PRKACB: variants seen among roughly 807,000 people sequenced by gnomAD.
The protein encoded by PRKACB is protein kinase cAMP-activated catalytic subunit beta, also known as cAMP-dependent protein kinase catalytic subunit beta.
PRKACB carries 16 observed loss-of-function variants against 51.4 expected under a neutral mutation model. The observed-to-expected ratio is 0.31, with a 90% confidence interval of 0.21 to 0.47. The LOEUF is 0.47. PRKACB is among the 20% of genes least tolerant of loss of function. The pLI is 1.00. For synonymous variants in PRKACB, 147 were observed against 154.4 expected, an observed-to-expected ratio of 0.95 and a Z score of 0.35; for missense variants, 309 against 464.5, an observed-to-expected ratio of 0.67 and a Z score of 3.08.
intron 1 of PRKACB, among the ~76,000 whole-genome samples, chr1:84,083,872 C>A (rs1297892939): frequency 1.3e-5 from 2 of 152,146 alleles, no homozygotes; most frequent in Non-Finnish European, 2.9e-5. Flanking sequence ...TTGTTCATTG[C>A]TTCATTCATT....
At chr1:84,086,274 C>A in intron 1 of PRKACB, 1 of 1,357,682 alleles carries the variant, frequency 7.4e-7, no homozygotes. Context: ...CCCATGGGAC[C>A]CCAGTAGAAC....
chr1:84,101,730 T>G (rs1434157814), intron 1 of PRKACB, among the ~76,000 whole-genome samples: 2 of 152,198 alleles, frequency 1.3e-5, no homozygotes, highest in Non-Finnish European at 2.9e-5. Flanking sequence ...AGTTACTGTA[T>G]TTGAGCATAA....
At chr1:84,115,550 G>A (rs1210830595) in intron 1 of PRKACB, among the ~76,000 whole-genome samples, 2 of 151,334 alleles carry the variant, frequency 1.3e-5, no homozygotes, top group Non-Finnish European at 2.9e-5. Flanking sequence ...TTGTCTATTG[G>A]TGTTTTTGTT....
At chr1:84,183,841 C>A (rs1015115929) in intron 3 of PRKACB, among the ~76,000 whole-genome samples, 196 bp from the exon 4 acceptor site, 2 of 151,700 alleles carry the variant, frequency 1.3e-5, no homozygotes, top group African/African-American at 4.8e-5. Context: ...CATTTGAATC[C>A]TATTATTAAA....
chr1:84,146,147 T>TTG (rs753444399), intron 1 of PRKACB, among the ~76,000 whole-genome samples: 30,266 of 150,962 alleles, frequency 0.2, 3,764 homozygotes, highest in Non-Finnish European at 0.27. Context: ...GCTGTTTTGT[T>TTG]TTTTTTTTAT....
At chr1:84,190,550 A>G (rs1666464186) in intron 5 of PRKACB, among the ~76,000 whole-genome samples, 1 of 152,050 alleles carries the variant, frequency 6.6e-6, no homozygotes, top group East Asian at 1.9e-4. Flanking sequence ...CACGTTTATT[A>G]AATCAGTAAT....
chr1:84,216,006 G>GCA (rs1424068665), intron 9 of PRKACB, among the ~76,000 whole-genome samples: 1 of 151,860 alleles, frequency 6.6e-6, no homozygotes, highest in Non-Finnish European at 1.5e-5. Context: ...AGTATTAAAA[G>GCA]CACAGTTTTT....
chr1:84,231,836 A>G (rs528730979), intron 9 of PRKACB, among the ~76,000 whole-genome samples: 6 of 151,666 alleles, frequency 4.0e-5, no homozygotes, highest in African/African-American at 1.2e-4. Context: ...TCTTGCTAGC[A>G]GTCTATCAAT....
At chr1:84,200,822 A>G (rs1188342537) in intron 7 of PRKACB, among the ~76,000 whole-genome samples, 2 of 151,984 alleles carry the variant, frequency 1.3e-5, no homozygotes, top group Non-Finnish European at 2.9e-5. Flanking sequence ...CTGGGTTGTC[A>G]TAGTTGAAAT....
intron 1 of PRKACB, chr1:84,086,302 C>A: frequency 9.9e-7 from 1 of 1,007,448 alleles, no homozygotes; most frequent in Non-Finnish European, 1.5e-6. Flanking sequence ...TTCCTGCTGC[C>A]TCCCTCCTGT....
At chr1:84,213,640 A>G (rs920723235) in intron 8 of PRKACB, among the ~76,000 whole-genome samples, 4 of 152,208 alleles carry the variant, frequency 2.6e-5, no homozygotes, top group African/African-American at 9.6e-5. Flanking sequence ...GATAAATGAA[A>G]AATGTTTTCC....
At chr1:84,138,213 C>G (rs1230104751) in intron 1 of PRKACB, among the ~76,000 whole-genome samples, 2 of 152,130 alleles carry the variant, frequency 1.3e-5, no homozygotes, top group African/African-American at 4.8e-5. Context: ...TGCTCAAACA[C>G]ATACACAGGT....
At chr1:84,081,916 C>CTT (rs766928344) in intron 1 of PRKACB, among the ~76,000 whole-genome samples, 7 of 152,166 alleles carry the variant, frequency 4.6e-5, no homozygotes, top group Non-Finnish European at 8.8e-5. Flanking sequence ...TCCAGAGTAT[C>CTT]TCTCTGTCCT....
intron 1 of PRKACB, among the ~76,000 whole-genome samples, chr1:84,117,075 T>C (rs1182281392): frequency 2.6e-5 from 4 of 152,040 alleles, no homozygotes; most frequent in African/African-American, 4.8e-5. Context: ...ATTGAGATAA[T>C]AATGATTTTT....
chr1:84,183,916 C>T (rs1268339426), intron 3 of PRKACB, 121 bp from the exon 4 acceptor site: 7 of 1,063,066 alleles, frequency 6.6e-6, no homozygotes, highest in South Asian at 2.4e-5. Context: ...TATTATCTTC[C>T]TTATCCAATT....
At chr1:84,196,570 T>C (rs1242640580) in intron 5 of PRKACB, 46 bp from the exon 6 acceptor site, 1 of 1,590,756 alleles carries the variant, frequency 6.3e-7, no homozygotes, top group African/African-American at 1.3e-5. Flanking sequence ...AATTAGAATG[T>C]ATTAACTCAT....
intron 1 of PRKACB, among the ~76,000 whole-genome samples, chr1:84,093,109 ATC>A (rs1019646762): frequency 6.6e-5 from 10 of 152,114 alleles, no homozygotes; most frequent in South Asian, 4.1e-4. Flanking sequence ...TAATTTACAA[ATC>A]ATTTCCTTTA....
intron 9 of PRKACB, among the ~76,000 whole-genome samples, chr1:84,227,245 A>G (rs1357534245): frequency 6.6e-6 from 1 of 152,112 alleles, no homozygotes; most frequent in Admixed American, 6.5e-5. Context: ...ATAAATTTTA[A>G]CAGACTAATT....
intron 9 of PRKACB, among the ~76,000 whole-genome samples, chr1:84,215,434 C>T (rs186019524): frequency 5.9e-5 from 9 of 152,254 alleles, no homozygotes; most frequent in Middle Eastern, 3.4e-3. Flanking sequence ...TGTGGAAATT[C>T]AGAATAACTT....
Sources: allele counts gnomAD v4.1 joint callset (sites outside exome capture counted in the v4.1 genomes callset), GRCh38; gene constraint gnomAD v4.1.1; transcripts MANE v1.5; gene names NCBI Gene and HGNC (gene_info 2026-07-23, HGNC 2026-07-21).